The following BMPR1B variants were observed in gnomAD, a reference collection of about 807,000 sequenced individuals.
BMPR1B encodes bone morphogenetic protein receptor type-1B.
BMPR1B carries 12 observed loss-of-function variants against 59.1 expected under a neutral mutation model. The ratio of observed to expected loss-of-function variants is 0.20; its 90% CI spans 0.13 to 0.33. The LOEUF is 0.33. BMPR1B is among the 10% of genes least tolerant of loss of function. The probability of loss-of-function intolerance (pLI) is 1.00; values close to 1 mark genes in which losing one functional copy is unlikely to be tolerated. For synonymous variants in BMPR1B, 237 were observed against 207.3 expected, an observed-to-expected ratio of 1.14 and a Z score of -1.23; for missense variants, 550 against 610.9, an observed-to-expected ratio of 0.90 and a Z score of 1.05.
intron 2 of BMPR1B, among the ~76,000 whole-genome samples, chr4:94,956,809 T>TG (rs1046417386): frequency 2.6e-5 from 4 of 151,910 alleles, no homozygotes; most frequent in African/African-American, 9.7e-5. Flanking sequence ...GAATTTAATT[T>TG]TTTTTTTAAC....
chr4:94,838,126 A>G (rs1207219065), intron 1 of BMPR1B, among the ~76,000 whole-genome samples: 1 of 143,010 alleles, frequency 7.0e-6, no homozygotes, highest in Non-Finnish European at 1.5e-5. Flanking sequence ...ATCATGGTGG[A>G]TAAGCTTTTT....
chr4:94,862,021 G>A (rs1463021696), intron 1 of BMPR1B, among the ~76,000 whole-genome samples: 1 of 151,778 alleles, frequency 6.6e-6, no homozygotes, highest in Non-Finnish European at 1.5e-5. Context: ...AATAATAGTA[G>A]CAGCTAACAG....
chr4:94,954,532 G>T (rs1224351672), intron 2 of BMPR1B, among the ~76,000 whole-genome samples: 2 of 152,182 alleles, frequency 1.3e-5, no homozygotes, highest in African/African-American at 2.4e-5. Flanking sequence ...AACCACCTTT[G>T]CAGAATTGTG....
chr4:95,100,285 T>C (rs981901044), intron 3 of BMPR1B, among the ~76,000 whole-genome samples: 1 of 152,166 alleles, frequency 6.6e-6, no homozygotes, highest in South Asian at 2.1e-4. Context: ...TCAGAAAATA[T>C]TAAAATGCTT....
At chr4:94,873,410 CT>C (rs35696562) in intron 1 of BMPR1B, among the ~76,000 whole-genome samples, 300 of 139,426 alleles carry the variant, frequency 2.2e-3, no homozygotes, top group Admixed American at 2.5e-3. Flanking sequence ...GCTATGAATT[CT>C]TTTTTTTTTT....
At chr4:95,131,021 T>A (rs1291280989) in intron 9 of BMPR1B, among the ~76,000 whole-genome samples, 194 bp from the exon 10 acceptor site, 1 of 152,168 alleles carries the variant, frequency 6.6e-6, no homozygotes, top group African/African-American at 2.4e-5. Context: ...TGAGCCACTG[T>A]GCCTAGCCTT....
intron 3 of BMPR1B, among the ~76,000 whole-genome samples, chr4:95,083,433 A>G (rs556953513): frequency 1.6e-4 from 24 of 152,306 alleles, no homozygotes; most frequent in African/African-American, 4.8e-4. Flanking sequence ...AAAAATTTAC[A>G]GTGTTTTTCA....
chr4:95,108,160 A>G (rs1731328151), intron 4 of BMPR1B, among the ~76,000 whole-genome samples: 1 of 152,094 alleles, frequency 6.6e-6, no homozygotes. Context: ...CCTTCAACAG[A>G]CATAAATTTG....
At chr4:94,842,099 G>C (rs1398892144) in intron 1 of BMPR1B, among the ~76,000 whole-genome samples, 1 of 152,164 alleles carries the variant, frequency 6.6e-6, no homozygotes, top group East Asian at 1.9e-4. Context: ...AGGGTGCTTG[G>C]ACAAGTAGCC....
chr4:95,001,879 TG>T (rs778807040), intron 3 of BMPR1B, among the ~76,000 whole-genome samples: 15 of 152,174 alleles, frequency 9.9e-5, no homozygotes, highest in Non-Finnish European at 1.8e-4. Context: ...CCAAAGAAGT[TG>T]GGGCTCTTTG....
chr4:95,103,659 A>C (rs945818998), intron 3 of BMPR1B: 1 of 231,882 alleles, frequency 4.3e-6, no homozygotes, highest in Non-Finnish European at 6.9e-6. Flanking sequence ...AAGGACAACT[A>C]ACTTGGTAAA....
At chr4:94,812,686 G>C (rs899866148) in intron 1 of BMPR1B, among the ~76,000 whole-genome samples, 1 of 152,134 alleles carries the variant, frequency 6.6e-6, no homozygotes, top group African/African-American at 2.4e-5. Context: ...GAGAGGGTGA[G>C]GGCAGTCCCT....
At chr4:94,851,629 C>T (rs1229494036) in intron 1 of BMPR1B, among the ~76,000 whole-genome samples, 1 of 151,768 alleles carries the variant, frequency 6.6e-6, no homozygotes, top group Non-Finnish European at 1.5e-5. Context: ...GAACACATAC[C>T]TCTAATTTAT....
At position 94,839,298 on chromosome 4, in the gene BMPR1B, C is replaced by G. The variant is rs1268129644; in HGVS notation, c.-182-36533C>G. Among the ~76,000 whole-genome samples, 232 of 137,254 alleles carry G rather than the reference C, an allele frequency of 1.7e-3. 10 individuals are homozygous for G. The highest frequency in any genetic ancestry group is 0.014 in the South Asian group (55 of 3,948). The allele number at this position is 137,254 out of a possible 152,430, so 90.0% of individuals were successfully genotyped here. On this transcript the variant is annotated intron_variant, in intron 1 of 12. Coordinates refer to ENST00000515059, the MANE Select transcript of BMPR1B (RefSeq NM_001203.3). Reference sequence around the variant, plus strand: ...GGTCTGCTTGGTGCAGAGCTGAGTTCAATTCCTGGGTATCCTTGTTGACTT... The same window carrying G: ...GGTCTGCTTGGTGCAGAGCTGAGTTGAATTCCTGGGTATCCTTGTTGACTT...
intron 1 of BMPR1B, among the ~76,000 whole-genome samples, chr4:94,821,841 G>T (rs1364473460): frequency 6.6e-6 from 1 of 152,168 alleles, no homozygotes; most frequent in African/African-American, 2.4e-5. Context: ...TTCATGTCTT[G>T]TGTGTCTATT....
At chr4:94,760,796 T>C (rs1379494782) in intron 1 of BMPR1B, among the ~76,000 whole-genome samples, 2 of 152,262 alleles carry the variant, frequency 1.3e-5, no homozygotes, top group African/African-American at 2.4e-5. Context: ...ATGTGATAGA[T>C]ACTCAAGAAA....
chr4:94,914,614 C>T (rs1439907793), intron 2 of BMPR1B, among the ~76,000 whole-genome samples: 2 of 151,916 alleles, frequency 1.3e-5, no homozygotes, highest in Non-Finnish European at 2.9e-5. Flanking sequence ...CTAATGAAGT[C>T]AAAGAATGGT....
intron 3 of BMPR1B, among the ~76,000 whole-genome samples, chr4:95,040,725 T>C (rs1725592517): frequency 6.6e-6 from 1 of 152,192 alleles, no homozygotes. Context: ...TGTGTATCTG[T>C]TGTTATCTAA....
chr4:94,941,384 A>G (rs1729504932), intron 2 of BMPR1B, among the ~76,000 whole-genome samples: 1 of 151,468 alleles, frequency 6.6e-6, no homozygotes, highest in East Asian at 1.9e-4. Flanking sequence ...GTGAGCCGAG[A>G]TTGCACCCCT....
Sources: allele counts gnomAD v4.1 joint callset (sites outside exome capture counted in the v4.1 genomes callset), GRCh38; gene constraint gnomAD v4.1.1; transcripts MANE v1.5; gene names NCBI Gene and HGNC (gene_info 2026-07-23, HGNC 2026-07-21).